The following SEZ6L variants were observed in gnomAD, a reference collection of about 807,000 sequenced individuals.
The protein encoded by SEZ6L is seizure related 6 homolog like.
SEZ6L carries 37 observed loss-of-function variants against 106.2 expected under a neutral mutation model. The ratio of observed to expected loss-of-function variants is 0.35; its 90% CI spans 0.27 to 0.46. SEZ6L has a LOEUF of 0.46. Ranked by LOEUF, SEZ6L falls within the 20% of genes least tolerant of loss-of-function variation. The pLI, the probability that SEZ6L is intolerant of heterozygous loss-of-function variation, is 1.00. For missense variants in SEZ6L, 1,172 were observed against 1,332.8 expected, an observed-to-expected ratio of 0.88 and a Z score of 1.88; for synonymous variants, 541 against 570.4, an observed-to-expected ratio of 0.95 and a Z score of 0.73.
intron 1 of SEZ6L, among the ~76,000 whole-genome samples, chr22:26,187,962 G>C (rs1939901177): frequency 6.6e-6 from 1 of 152,186 alleles, no homozygotes; most frequent in Non-Finnish European, 1.5e-5. Context: ...GGGAAGTGGG[G>C]CTGATCCCTA....
chr22:26,335,500 GA>G (rs1376036751), intron 9 of SEZ6L, among the ~76,000 whole-genome samples: 2 of 152,058 alleles, frequency 1.3e-5, no homozygotes, highest in African/African-American at 2.4e-5. Context: ...TTATGTTATA[GA>G]ATATATAGAA....
At chr22:26,307,172 C>A (rs1340230917) in intron 6 of SEZ6L, among the ~76,000 whole-genome samples, 1 of 152,160 alleles carries the variant, frequency 6.6e-6, no homozygotes, top group Non-Finnish European at 1.5e-5. Flanking sequence ...TGCACCAGCT[C>A]CCATTCATCA....
At chr22:26,313,289 GC>G (rs1314219299) in intron 8 of SEZ6L, among the ~76,000 whole-genome samples, 2 of 152,132 alleles carry the variant, frequency 1.3e-5, no homozygotes, top group Non-Finnish European at 2.9e-5. Flanking sequence ...CAGTGGTATT[GC>G]CCCCATTTTG....
At chr22:26,212,244 T>C (rs2078182196) in intron 1 of SEZ6L, among the ~76,000 whole-genome samples, 1 of 152,182 alleles carries the variant, frequency 6.6e-6, no homozygotes, top group Non-Finnish European at 1.5e-5. Flanking sequence ...GCCTGGTCTT[T>C]ATCATAAACA....
chr22:26,216,104 A>G (rs959267519), intron 1 of SEZ6L, among the ~76,000 whole-genome samples: 1 of 151,966 alleles, frequency 6.6e-6, no homozygotes, highest in South Asian at 2.1e-4. Context: ...TTAAAGGAAC[A>G]GAAGCAAAGC....
intron 1 of SEZ6L, among the ~76,000 whole-genome samples, chr22:26,204,492 C>A (rs1319945980): frequency 6.6e-6 from 1 of 152,214 alleles, no homozygotes; most frequent in East Asian, 1.9e-4. Flanking sequence ...GATAAGGAAG[C>A]TGAGGCTAGA....
intron 15 of SEZ6L, among the ~76,000 whole-genome samples, chr22:26,376,575 C>T (rs1490067467): frequency 6.6e-6 from 1 of 151,994 alleles, no homozygotes; most frequent in Admixed American, 6.6e-5. Context: ...AACCCCGTCT[C>T]TACTAAAAAA....
intron 9 of SEZ6L, among the ~76,000 whole-genome samples, chr22:26,330,060 T>TG (rs1224095639): frequency 1.3e-5 from 2 of 152,248 alleles, no homozygotes; most frequent in Non-Finnish European, 2.9e-5. Context: ...TTTCCTCATC[T>TG]GGAAAATGGA....
At chr22:26,368,935 T>A (rs2083909212) in intron 13 of SEZ6L, among the ~76,000 whole-genome samples, 1 of 152,086 alleles carries the variant, frequency 6.6e-6, no homozygotes, top group Non-Finnish European at 1.5e-5. Flanking sequence ...GACTGTAAAT[T>A]TCCCGCCTTC....
intron 1 of SEZ6L, among the ~76,000 whole-genome samples, chr22:26,217,842 G>A (rs1009806499): frequency 3.9e-5 from 6 of 152,226 alleles, no homozygotes; most frequent in Non-Finnish European, 7.3e-5. Flanking sequence ...CACCTGCTGC[G>A]ATGGAAGGCG....
At chr22:26,175,760 G>T (rs1222282654) in intron 1 of SEZ6L, among the ~76,000 whole-genome samples, 1 of 151,792 alleles carries the variant, frequency 6.6e-6, no homozygotes, top group Non-Finnish European at 1.5e-5. Flanking sequence ...GTATAAAATT[G>T]GTTTCTGTAA....
chr22:26,313,705 A>T (rs934508048), intron 8 of SEZ6L, 59 bp from the exon 9 acceptor site: 20 of 1,581,010 alleles, frequency 1.3e-5, no homozygotes, highest in Non-Finnish European at 1.7e-5. Context: ...GTTAGCCGCT[A>T]TGCCACATTG....
At chr22:26,342,100 G>A (rs773457755) in intron 10 of SEZ6L, among the ~76,000 whole-genome samples, 8 of 152,178 alleles carry the variant, frequency 5.3e-5, no homozygotes, top group Non-Finnish European at 5.9e-5. Flanking sequence ...AATATTTTGG[G>A]CAGCAGCGGA....
chr22:26,342,787 G>T (rs1336385177), intron 10 of SEZ6L, among the ~76,000 whole-genome samples: 2 of 152,230 alleles, frequency 1.3e-5, no homozygotes, highest in Non-Finnish European at 2.9e-5. Flanking sequence ...TGCAAAAACT[G>T]CAATTACTTC....
At chr22:26,323,782 T>A (rs1186083306) in intron 9 of SEZ6L, among the ~76,000 whole-genome samples, 2 of 152,102 alleles carry the variant, frequency 1.3e-5, no homozygotes, top group African/African-American at 4.8e-5. Flanking sequence ...TCATTGATGA[T>A]GATGATGATG....
intron 1 of SEZ6L, among the ~76,000 whole-genome samples, chr22:26,264,219 G>A (rs1248188843): frequency 6.6e-6 from 1 of 152,248 alleles, no homozygotes; most frequent in African/African-American, 2.4e-5. Flanking sequence ...CACTGCCTGG[G>A]AGGATGTGAA....
chr22:26,228,436 A>G (rs991974678), intron 1 of SEZ6L, among the ~76,000 whole-genome samples: 1 of 152,144 alleles, frequency 6.6e-6, no homozygotes, highest in African/African-American at 2.4e-5. Flanking sequence ...TGTATGTGAC[A>G]CTGTGCCATT....
At chr22:26,348,582 GAAA>G (rs2083099553) in intron 11 of SEZ6L, among the ~76,000 whole-genome samples, 1 of 78,032 alleles carries the variant, frequency 1.3e-5, no homozygotes, top group African/African-American at 7.3e-5. Flanking sequence ...AAGAAAGAAA[GAAA>G]GAGAAAGAAA....
chr22:26,377,706 G>C lies in SEZ6L; in HGVS notation c.2976G>C (p.Leu992=), dbSNP rs777914477. 4.3e-6 allele frequency: 7 copies of C among 1,613,816 alleles called. No homozygotes were observed. The highest frequency in any genetic ancestry group is 4.0e-5 in the African/African-American group (3 of 74,870). The part of the protein sequence containing the change: ...CRYYSNLRLP[L]MYSHPYSQIT... ...ACTATTCCAACCTCCGCCTGCCTCT[G>C]ATGTACTCCCACCCCTACAGCCAGA... Residue 992 remains leucine, a synonymous_variant, in exon 16 of 17, where the codon CTG becomes CTC. Transcript: ENST00000248933.
Sources: allele counts gnomAD v4.1 joint callset (sites outside exome capture counted in the v4.1 genomes callset), GRCh38; gene constraint gnomAD v4.1.1; transcripts MANE v1.5; gene names NCBI Gene and HGNC (gene_info 2026-07-23, HGNC 2026-07-21).